SCUBE3: variants seen among roughly 807,000 people sequenced by gnomAD.
The protein encoded by SCUBE3 is signal peptide, CUB domain and EGF like domain containing 3.
In SCUBE3, 33 loss-of-function variants were observed where a neutral mutation model predicts 116.8. The ratio of observed to expected loss-of-function variants is 0.28; its 90% confidence interval spans 0.21 to 0.38. The LOEUF (loss-of-function observed/expected upper bound fraction) is 0.38, where lower values mean the gene tolerates loss of function less well. Among genes scored for constraint, SCUBE3 ranks in the 10% least tolerant of loss-of-function variants. SCUBE3 has a pLI of 1.00. For missense variants in SCUBE3, 1,007 were observed against 1,324.8 expected, an observed-to-expected ratio of 0.76 and a Z score of 3.72; for synonymous variants, 418 against 496.9, an observed-to-expected ratio of 0.84 and a Z score of 2.11.
At chr6:35,226,699 C>T (rs1440195419) in intron 1 of SCUBE3, among the ~76,000 whole-genome samples, 1 of 151,958 alleles carries the variant, frequency 6.6e-6, no homozygotes, top group African/African-American at 2.4e-5. Context: ...AGGCTGGTCT[C>T]GAACTCCTGA....
chr6:35,223,842 T>C (rs114768067), intron 1 of SCUBE3: 19 of 152,256 alleles, frequency 1.2e-4, no homozygotes, highest in African/African-American at 4.3e-4. Flanking sequence ...CTGGGTATAA[T>C]TTGGGGCCCT....
chr6:35,233,404 G>GCCC lies in SCUBE3; in HGVS notation c.712+104_712+105insCCC. The GCCC allele has an allele frequency of 1.4e-6, 1 of 739,278 alleles. No individual in the cohort carries two copies. The highest frequency in any genetic ancestry group is 2.4e-6 in the Non-Finnish European group (1 of 415,450). 45.8% of individuals were successfully genotyped at this position (739,278 alleles called of 1,614,324 possible). A position where few individuals can be genotyped will look rare whatever the true frequency, so the allele number is the denominator to read the frequency against. On this transcript the variant is annotated intron_variant, in intron 6 of 21. Transcript: ENST00000274938. The surrounding 1 kb of genome is among the most constrained non-coding windows in gnomAD (Gnocchi z 5.7). ...GGAGTGCATGGGGCCCAGGTGCTGG[G>GCCC]CACAGAGGGACTGGTGAGGGAGTTA...
intron 12 of SCUBE3, 65 bp from the exon 13 acceptor site, chr6:35,242,139 C>T (rs1242746039): frequency 4.1e-6 from 5 of 1,213,258 alleles, no homozygotes; most frequent in Non-Finnish European, 6.1e-6. Flanking sequence ...TTCTCAACAA[C>T]CCCTACGGCA....
rs775430026 is a variant in SCUBE3, at chr6:35,244,166, A to C, written c.2239+36A>C. 1.3e-5 allele frequency: 21 copies of C among 1,572,526 alleles called. No individual in the cohort carries two copies. In the African/African-American group the frequency reaches 2.6e-4, roughly 19 times the overall value. ...TACTCACCTCCCTGGGGGATGCCCC[A>C]ACCCCAACTACTCCCAAAAAACTCT... On this transcript the variant is annotated intron_variant, in intron 17 of 21. Transcript: ENST00000274938. This position sits in a 1 kb window ranked among gnomAD's most constrained non-coding sequence, Gnocchi z 4.3.
rs1056920397 is a variant in SCUBE3 at position 35,233,238 on chromosome 6, C to T, written c.649C>T (p.Gln217Ter). ...CCAGCACACGTGTGATGACACAGAG[C>T]AGGGTCCCCGGTGCGGCTGCCATAT... ...GCQHTCDDTEQGPRCGCHIKF... is the reference protein window; with the variant it reads ...GCQHTCDDTE Residue 217 changes from glutamine to a stop codon, truncating the protein, a stop_gained, in exon 6 of 22, where the codon CAG becomes TAG. Transcript: ENST00000274938. LOFTEE classifies it high-confidence loss of function. This position sits in a 1 kb window ranked among gnomAD's most constrained non-coding sequence, Gnocchi z 5.7. 3 of 1,613,732 alleles carry T rather than the reference C, an allele frequency of 1.9e-6. No homozygotes were observed. Among genetic ancestry groups the T allele is most frequent in the Non-Finnish European group, 2.5e-6 (3 of 1,179,854 alleles).
At chr6:35,227,466 G>A in intron 1 of SCUBE3, 114 bp from the exon 2 acceptor site, 4 of 1,088,184 alleles carry the variant, frequency 3.7e-6, no homozygotes, top group Non-Finnish European at 5.5e-6. Flanking sequence ...TTCTGGAGGG[G>A]GTCACTGCCT....
At chr6:35,230,586 G>A (rs578193595) in intron 3 of SCUBE3, among the ~76,000 whole-genome samples, 45 of 152,280 alleles carry the variant, frequency 3.0e-4, no homozygotes, top group Non-Finnish European at 5.4e-4. Context: ...TGTAGAATGT[G>A]GCAAGAGCAG....
In SCUBE3 at chr6:35,244,268, C is replaced by T. The variant is rs1210986476; in HGVS notation, c.2239+138C>T. The T allele has an allele frequency of 9.6e-6, 7 of 732,550 alleles. No homozygotes were observed. In the Admixed American group the frequency reaches 1.9e-4, roughly 20 times the overall value. The allele number at this position is 732,550 out of a possible 1,614,324, so 45.4% of individuals were successfully genotyped here. On this transcript the variant is annotated intron_variant, in intron 17 of 21. Transcript: ENST00000274938. The surrounding 1 kb of genome is among the most constrained non-coding windows in gnomAD (Gnocchi z 4.3). Reference sequence around the variant, plus strand: ...GGCCCAGCTACTTGACCAACCATACCATCCTGCTTCCAGGACCCACCCTGC... The same window carrying T: ...GGCCCAGCTACTTGACCAACCATACTATCCTGCTTCCAGGACCCACCCTGC...
intron 1 of SCUBE3, among the ~76,000 whole-genome samples, chr6:35,218,978 C>T (rs916930457): frequency 5.3e-5 from 8 of 152,146 alleles, no homozygotes; most frequent in African/African-American, 1.9e-4. Context: ...TGAGATTCTG[C>T]ACATCTCACT....
At chr6:35,234,279 G>A (rs1474085822) in intron 6 of SCUBE3, among the ~76,000 whole-genome samples, 5 of 152,176 alleles carry the variant, frequency 3.3e-5, no homozygotes, top group Non-Finnish European at 5.9e-5. Flanking sequence ...CATCTGGTGG[G>A]CTGTGGCATG....
rs755708435 is a variant in SCUBE3 at position 35,241,671 on chromosome 6, G to A, written c.1312+12G>A. Reference sequence around the variant, plus strand: ...CCGATTTTTGCCAGGTACATGGGAGGAGGGTGCTGGAGAGCTTTGGAGGAG... The same window carrying A: ...CCGATTTTTGCCAGGTACATGGGAGAAGGGTGCTGGAGAGCTTTGGAGGAG... On this transcript the variant is annotated intron_variant, in intron 11 of 21. Coordinates refer to ENST00000274938, the MANE Select transcript of SCUBE3 (RefSeq NM_152753.4). This position sits in a 1 kb window ranked among gnomAD's most constrained non-coding sequence, Gnocchi z 4.1. The A allele has an allele frequency of 3.2e-6, 5 of 1,576,074 alleles. No individual in the cohort carries two copies. The South Asian group carries it at 5.5e-5, about 17-fold the overall frequency.
In SCUBE3 at chr6:35,228,581, G is replaced by T; in HGVS notation, c.209-33G>T. Reference sequence around the variant, plus strand: ...GGGGTGGACAGTGGGTTCGCAGGTGGGTTCAGCTGTCTCAGCTTCCCTTTG... The same window carrying T: ...GGGGTGGACAGTGGGTTCGCAGGTGTGTTCAGCTGTCTCAGCTTCCCTTTG... On this transcript the variant is annotated intron_variant, in intron 2 of 21. Transcript: ENST00000274938. The surrounding 1 kb of genome is among the most constrained non-coding windows in gnomAD (Gnocchi z 4.9). 1.2e-6 allele frequency: 2 copies of T among 1,610,732 alleles called. No individual in the cohort carries two copies. The highest frequency in any genetic ancestry group is 1.7e-6 in the Non-Finnish European group (2 of 1,177,916).
intron 6 of SCUBE3, among the ~76,000 whole-genome samples, chr6:35,237,676 T>C (rs1783834504): frequency 6.6e-6 from 1 of 151,782 alleles, no homozygotes; most frequent in African/African-American, 2.4e-5. Context: ...TTCAATCAAG[T>C]AGGGGGCAGG....
Position 35,245,435 on chromosome 6 carries a change from T to C in SCUBE3, c.2599+10T>C. ...GTCATGAGAAAGAACTGTGGGTGGC[T>C]TGCAGAGCTGGGCCAGGGAAGGGCA... On this transcript the variant is annotated intron_variant, in intron 19 of 21. Coordinates refer to ENST00000274938, the MANE Select transcript of SCUBE3 (RefSeq NM_152753.4). The surrounding 1 kb of genome is among the most constrained non-coding windows in gnomAD (Gnocchi z 4.2). 1.2e-6 allele frequency: 2 copies of C among 1,612,832 alleles called. No homozygotes were observed. The highest frequency in any genetic ancestry group is 1.7e-5 in the Admixed American group (1 of 60,016).
Position 35,235,648 on chromosome 6 carries a change from A to C in SCUBE3, c.713-2254A>C, listed in dbSNP as rs1451623678. Among the ~76,000 whole-genome samples the C allele has an allele frequency of 2.0e-5, 3 of 152,128 alleles. No individual in the cohort carries two copies. The highest frequency in any genetic ancestry group is 4.4e-5 in the Non-Finnish European group (3 of 68,008). On this transcript the variant is annotated intron_variant, in intron 6 of 21. Transcript: ENST00000274938. The surrounding 1 kb of genome is among the most constrained non-coding windows in gnomAD (Gnocchi z 4.5). ...TCCTGGCAGCCAGGGCACTGGGCCCATTGGGTGACAAGAAACCTGAGTCCC... is the reference window on the plus strand; with the variant it reads ...TCCTGGCAGCCAGGGCACTGGGCCCCTTGGGTGACAAGAAACCTGAGTCCC...
rs1391882564 is a variant in SCUBE3 at position 35,231,203 on chromosome 6, C to G, written c.335-522C>G. Among the ~76,000 whole-genome samples, 1 of 152,124 alleles carries G rather than the reference C, an allele frequency of 6.6e-6. No individual in the cohort carries two copies. The highest frequency in any genetic ancestry group is 1.9e-4 in the East Asian group (1 of 5,194). On this transcript the variant is annotated intron_variant, in intron 3 of 21. Coordinates refer to ENST00000274938, the MANE Select transcript of SCUBE3 (RefSeq NM_152753.4). The surrounding 1 kb of genome is among the most constrained non-coding windows in gnomAD (Gnocchi z 4.2). ...CCTGTCCACAGAAATGGTCCCTGCT[C>G]CACAAGGAGGTGAGGCTCAGCTGCC...
chr6:35,243,832 G>A lies in SCUBE3; in HGVS notation c.2071+77G>A. ...CCATGGGCATGGGATTTCCCAAAGG[G>A]CAGGCCCAGGCTCCAGGCCACTCTC... On this transcript the variant is annotated intron_variant, in intron 16 of 21. Coordinates refer to ENST00000274938, the MANE Select transcript of SCUBE3 (RefSeq NM_152753.4). The surrounding 1 kb of genome is among the most constrained non-coding windows in gnomAD (Gnocchi z 6.6). 1.3e-6 allele frequency: 2 copies of A among 1,547,996 alleles called. No homozygotes were observed. Among genetic ancestry groups the A allele is most frequent in the Non-Finnish European group, 1.8e-6 (2 of 1,129,208 alleles).
chr6:35,218,083 TC>T, intron 1 of SCUBE3: 1 of 968,072 alleles, frequency 1.0e-6, no homozygotes, highest in Non-Finnish European at 1.2e-6. Context: ...AAGAAGACAG[TC>T]ATCAGCAGCC....
chr6:35,245,898 G>A lies in SCUBE3; in HGVS notation c.2600-46G>A, dbSNP rs771452353. 5.0e-6 allele frequency: 8 copies of A among 1,603,628 alleles called. No individual in the cohort carries two copies. The East Asian group carries it at 1.6e-4, about 31-fold the overall frequency. On this transcript the variant is annotated intron_variant, in intron 19 of 21. Transcript: ENST00000274938. This position sits in a 1 kb window ranked among gnomAD's most constrained non-coding sequence, Gnocchi z 4.2. ...ACAGCCCACGTTCTAGGAGGGCTTG[G>A]GTAGCCTGCCCTGCTGCTCTACTGA...
Sources: allele counts gnomAD v4.1 joint callset (sites outside exome capture counted in the v4.1 genomes callset), GRCh38; gene constraint gnomAD v4.1.1; non-coding constraint Gnocchi (gnomAD v3.1); transcripts MANE v1.5; gene names NCBI Gene and HGNC (gene_info 2026-07-23, HGNC 2026-07-21).